The following YLPM1 variants were observed in gnomAD, a reference collection of about 807,000 sequenced individuals.
The protein encoded by YLPM1 is YLP motif containing 1, also known as YLP motif-containing protein 1.
Under a neutral mutation model 230.0 loss-of-function variants are expected in YLPM1, and 99 were observed. The observed-to-expected ratio is 0.43, with a 90% CI of 0.37 to 0.51. The LOEUF is 0.51. Ranked by LOEUF, YLPM1 falls within the 20% of genes least tolerant of loss-of-function variation. The pLI is 0.00. For missense variants in YLPM1, 2,592 were observed against 2,707.7 expected, an observed-to-expected ratio of 0.96 and a Z score of 0.95; for synonymous variants, 984 against 942.5, an observed-to-expected ratio of 1.04 and a Z score of -0.81.
intron 1 of YLPM1, among the ~76,000 whole-genome samples, chr14:74,768,122 A>G (rs982289159): frequency 2.4e-4 from 36 of 152,234 alleles, no homozygotes; most frequent in South Asian, 2.1e-4. Flanking sequence ...ATGTAAAGAA[A>G]AACTTTTGCC....
chr14:74,800,443 C>T (rs1314654971), intron 5 of YLPM1, among the ~76,000 whole-genome samples: 3 of 152,146 alleles, frequency 2.0e-5, no homozygotes, highest in Middle Eastern at 3.2e-3. Flanking sequence ...GTATAATAAA[C>T]TCATTTAATC....
intron 18 of YLPM1, chr14:74,828,015 T>C (rs762133329): frequency 3.0e-6 from 3 of 985,140 alleles, no homozygotes; most frequent in African/African-American, 1.7e-5. Context: ...TCAATGATAA[T>C]CACTTTTATG....
chr14:74,764,702 G>A (rs2090893797), intron 1 of YLPM1, among the ~76,000 whole-genome samples: 1 of 152,136 alleles, frequency 6.6e-6, no homozygotes, highest in Admixed American at 6.5e-5. Context: ...TTTTAAAATT[G>A]TATTTTAAAC....
intron 1 of YLPM1, among the ~76,000 whole-genome samples, chr14:74,775,708 G>A (rs144449866): frequency 2.0e-5 from 3 of 152,240 alleles, no homozygotes; most frequent in East Asian, 3.9e-4. Context: ...GGGTTTCTTT[G>A]CTGTAATTTT....
At chr14:74,796,339 T>A (rs540708030) in intron 4 of YLPM1, among the ~76,000 whole-genome samples, 1 of 152,362 alleles carries the variant, frequency 6.6e-6, no homozygotes, top group African/African-American at 2.4e-5. Context: ...CCAAACATGC[T>A]CTGCTGATAC....
At chr14:74,819,514 A>C (rs571504323) in intron 16 of YLPM1, among the ~76,000 whole-genome samples, 1 of 152,090 alleles carries the variant, frequency 6.6e-6, no homozygotes, top group African/African-American at 2.4e-5. Context: ...GCCTCAAGTA[A>C]TCTGCCCACC....
At chr14:74,769,863 G>A (rs964360184) in intron 1 of YLPM1, among the ~76,000 whole-genome samples, 4 of 36,322 alleles carry the variant, frequency 1.1e-4, no homozygotes, top group South Asian at 3.3e-3. Flanking sequence ...CCCCCCCCCC[G>A]CCCCCCGCCC....
chr14:74,815,175 T>C (rs1384356067), intron 11 of YLPM1, among the ~76,000 whole-genome samples: 1 of 152,214 alleles, frequency 6.6e-6, no homozygotes, highest in African/African-American at 2.4e-5. Context: ...ACTGGGATTA[T>C]AGGCACATGC....
intron 19 of YLPM1, among the ~76,000 whole-genome samples, chr14:74,834,183 T>TAAAAAA (rs5809680): frequency 7.7e-6 from 1 of 130,370 alleles, no homozygotes. Flanking sequence ...ACTCTGACTC[T>TAAAAAA]AAAAAAAAAA....
In YLPM1 at chr14:74,781,764, C is replaced by T. The variant is rs769673802; in HGVS notation, c.1721C>T (p.Pro574Leu). ...VMPPSLPTSV[P>L]PPGMPPSLSS... The stretch of plus-strand genomic sequence containing the variant: ...CCACCTTCTCTACCAACCTCTGTTC[C>T]CCCACCAGGGATGCCTCCTTCTCTC... Residue 574 changes from proline to leucine, a missense_variant, in exon 4 of 21, where the codon CCC (proline) becomes CTC (leucine). This residue lies in a region of YLPM1 where 1,862 missense variants were observed against 1,819.8 expected (regional missense o/e 1.02). Transcript: ENST00000325680. 1.2e-6 allele frequency: 2 copies of T among 1,612,392 alleles called. No individual in the cohort carries two copies. Among genetic ancestry groups the T allele is most frequent in the Non-Finnish European group, 1.7e-6 (2 of 1,179,492 alleles).
rs746297298 is a variant in YLPM1, at chr14:74,763,948, G to A, written c.459G>A (p.Pro153=). Residue 153 remains proline, a synonymous_variant, in exon 1 of 21, where the codon CCG becomes CCA. Coordinates refer to ENST00000325680, the MANE Select transcript of YLPM1 (RefSeq NM_019589.3). ...CCCCCCCTGAATCTCCCCCTGTGCC[G>A]CCTGGGTCCTATATGCCCCCATCTC... ...LESPPESPPV[P]PGSYMPPSQS... is the part of the protein sequence containing the mutation. 7.2e-7 allele frequency: 1 copy of A among 1,393,360 alleles called. No individual in the cohort carries two copies. Among genetic ancestry groups the A allele is most frequent in the Non-Finnish European group, 9.3e-7 (1 of 1,074,628 alleles). The allele number at this position is 1,393,360 out of a possible 1,614,324, so 86.3% of individuals were successfully genotyped here. A position where few individuals can be genotyped will look rare whatever the true frequency, so the allele number is the denominator to read the frequency against.
At chr14:74,779,796 T>TCCCCTCCCCC (rs2091075577) in intron 2 of YLPM1, among the ~76,000 whole-genome samples, 1 of 138,372 alleles carries the variant, frequency 7.2e-6, no homozygotes, top group African/African-American at 2.8e-5. Context: ...TTCCCTCCCC[T>TCCCCTCCCCC]CCCCTCCCCT....
Position 74,763,470 on chromosome 14 carries a change from C to T in YLPM1, c.-20C>T, listed in dbSNP as rs1259981637. ...GACGAGTAACGGCGCCAGGACGAGC[C>T]CTGCGCCTTCTTTTTCGATATGTAC... On this transcript the variant is annotated 5_prime_UTR_variant, in exon 1 of 21. Coordinates refer to ENST00000325680, the MANE Select transcript of YLPM1 (RefSeq NM_019589.3). The T allele has an allele frequency of 2.1e-6, 3 of 1,438,044 alleles. No homozygotes were observed. The African/African-American group carries it at 4.5e-5, about 21-fold the overall frequency. The allele number at this position is 1,438,044 out of a possible 1,614,324, so 89.1% of individuals were successfully genotyped here.
intron 6 of YLPM1, among the ~76,000 whole-genome samples, chr14:74,804,278 G>C (rs902282952): frequency 4.6e-5 from 7 of 152,188 alleles, no homozygotes; most frequent in African/African-American, 1.7e-4. Flanking sequence ...TGGCCAGATG[G>C]ACATTTTAAA....
chr14:74,835,200 G>C (rs1388793540), intron 19 of YLPM1, 65 bp from the exon 20 acceptor site: 1 of 1,587,860 alleles, frequency 6.3e-7, no homozygotes, highest in Non-Finnish European at 8.6e-7. Context: ...ACTGTCCAGA[G>C]AGGGAGGGGG....
Position 74,799,402 on chromosome 14 carries a change from G to A in YLPM1, c.4105G>A (p.Gly1369Ser). 3 of 1,614,026 alleles carry A rather than the reference G, an allele frequency of 1.9e-6. No individual in the cohort carries two copies. Among genetic ancestry groups the A allele is most frequent in the Non-Finnish European group, 2.5e-6 (3 of 1,179,902 alleles). The change falls in exon 5 of 21, where the codon GGT becomes AGT. Residue 1369 changes from glycine to serine, a missense_variant. Physicochemically the swap from Gly to Ser is moderately conservative, Grantham distance 56 (BLOSUM62 0). Transcript: ENST00000325680. The part of the protein sequence containing the change: ...HGYDRDFRDR[G>S]ELRIREYPER... ...GTATGATCGAGATTTCCGTGATAGG[G>A]GTGAGTTGAGGATTCGAGAGTATCC...
intron 1 of YLPM1, among the ~76,000 whole-genome samples, chr14:74,764,720 T>A (rs1180872182): frequency 6.6e-6 from 1 of 152,218 alleles, no homozygotes; most frequent in Non-Finnish European, 1.5e-5. Flanking sequence ...AACGAAAGTT[T>A]CCATTTGAGA....
In YLPM1 at chr14:74,836,176, A is replaced by G; in HGVS notation, c.*438A>G. ...TTTCATGATAAAGCCGATGAGATTCATGGGCTATACAGCATGGGCCCTTTT... is the reference window on the plus strand; with the variant it reads ...TTTCATGATAAAGCCGATGAGATTCGTGGGCTATACAGCATGGGCCCTTTT... On this transcript the variant is annotated 3_prime_UTR_variant, in exon 21 of 21. Coordinates refer to ENST00000325680, the MANE Select transcript of YLPM1 (RefSeq NM_019589.3). 1 of 193,936 alleles carries G rather than the reference A, an allele frequency of 5.2e-6. No individual in the cohort carries two copies. Among genetic ancestry groups the G allele is most frequent in the Non-Finnish European group, 1.1e-5 (1 of 93,548 alleles). 12.0% of individuals were successfully genotyped at this position (193,936 alleles called of 1,614,324 possible).
intron 16 of YLPM1, among the ~76,000 whole-genome samples, chr14:74,819,210 A>G (rs1040579397): frequency 1.4e-5 from 2 of 141,438 alleles, no homozygotes; most frequent in Non-Finnish European, 3.1e-5. Flanking sequence ...AAAATTTTCT[A>G]TTTTTTACCA....
Sources: gnomAD v4.1 joint callset for allele counts (sites outside exome capture counted in the v4.1 genomes callset) on GRCh38, gnomAD v4.1.1 for gene constraint, gnomAD v4.1.1 regional missense constraint, MANE v1.5 for transcripts, NCBI Gene and HGNC (gene_info 2026-07-23, HGNC 2026-07-21) for gene names.